Variants in CCDC3 observed in about 807,000 individuals in gnomAD.
CCDC3 encodes the protein coiled-coil domain-containing protein 3.
A neutral mutation model predicts 21.4 loss-of-function variants in CCDC3; 24 were observed. The observed-to-expected ratio is 1.12, with a 90% CI of 0.81 to 1.58. The LOEUF (loss-of-function observed/expected upper bound fraction) is 1.58. CCDC3 is among the 40% of genes most tolerant of loss of function. The probability of loss-of-function intolerance (pLI) is 0.00; values close to 1 mark genes in which losing one functional copy is unlikely to be tolerated. For synonymous variants in CCDC3, 186 were observed against 166.0 expected, an observed-to-expected ratio of 1.12 and a Z score of -0.93; for missense variants, 425 against 360.9, an observed-to-expected ratio of 1.18 and a Z score of -1.44.
At chr10:13,046,354 C>A (rs561577592) in intron 5 of CCDC3, among the ~76,000 whole-genome samples, 1 of 151,008 alleles carries the variant, frequency 6.6e-6, no homozygotes, top group African/African-American at 2.4e-5. Flanking sequence ...TGCAGTGAGC[C>A]GTGATCGCGT....
At chr10:12,964,127 C>G (rs1425192381) in intron 2 of CCDC3, among the ~76,000 whole-genome samples, 2 of 152,076 alleles carry the variant, frequency 1.3e-5, no homozygotes, top group Non-Finnish European at 2.9e-5. Flanking sequence ...GATTCCAACA[C>G]TTTGGGAGGG....
In CCDC3 at chr10:13,001,685, A is replaced by C. The variant is rs1473248574; in HGVS notation, c.-115T>G. On this transcript the variant is annotated 5_prime_UTR_variant, in exon 1 of 3. Coordinates refer to ENST00000378825, the MANE Select transcript of CCDC3 (RefSeq NM_031455.4). ...CGGGCCGCTCCCGGGAGCTGAGCGC[A>C]CCGCTGTCTCCGCCACGGGGCTCGG... The C allele has an allele frequency of 2.9e-6, 2 of 678,380 alleles. No homozygotes were observed. The highest frequency in any genetic ancestry group is 3.7e-6 in the Non-Finnish European group (2 of 540,918). The allele number at this position is 678,380 out of a possible 1,614,324, so 42.0% of individuals were successfully genotyped here.
At chr10:12,899,431 T>C (rs1343479858) in intron 2 of CCDC3, among the ~76,000 whole-genome samples, 1 of 152,210 alleles carries the variant, frequency 6.6e-6, no homozygotes, top group Non-Finnish European at 1.5e-5. Flanking sequence ...TAACTGCATA[T>C]ACCCTTTGAT....
chr10:13,056,315 G>A (rs369177085), intron 4 of CCDC3, among the ~76,000 whole-genome samples: 53 of 152,134 alleles, frequency 3.5e-4, no homozygotes, highest in African/African-American at 1.2e-3. Context: ...TAGAAATGGC[G>A]CACAACCTCT....
chr10:12,947,293 G>A (rs1290790028), intron 2 of CCDC3, among the ~76,000 whole-genome samples: 4 of 152,028 alleles, frequency 2.6e-5, no homozygotes, highest in African/African-American at 4.8e-5. Flanking sequence ...GATTACAGGC[G>A]CCCACCACCA....
Position 13,069,055 on chromosome 10 carries a change from A to T in CCDC3, c.-270+4813T>A, listed in dbSNP as rs542327077. 2.2e-4 allele frequency among the ~76,000 whole-genome samples: 33 copies of T among 152,388 alleles called. No homozygotes were observed. In the East Asian group the frequency reaches 6.0e-3, roughly 28 times the overall value. ...CGGATCACCTGAGGTCGGGAGTTCG[A>T]GACCAGCCTGACCAACATGGAGAAA... On this transcript the variant is annotated intron_variant, in intron 4 of 6. Coordinates refer to the CCDC3 transcript ENST00000378839.
intron 5 of CCDC3, among the ~76,000 whole-genome samples, chr10:13,017,530 A>AAG (rs1564321646): frequency 1.1e-5 from 1 of 95,194 alleles, no homozygotes; most frequent in Admixed American, 1.1e-4. Flanking sequence ...AAAAAAAAAA[A>AAG]AGAAAAGAAA....
chr10:12,920,741 T>C (rs1834438232), intron 2 of CCDC3, among the ~76,000 whole-genome samples: 1 of 152,216 alleles, frequency 6.6e-6, no homozygotes, highest in Admixed American at 6.5e-5. Flanking sequence ...CCATTCTCCC[T>C]GTTTTGTGGA....
At chr10:12,924,747 C>G (rs921277830) in intron 2 of CCDC3, 92 of 152,302 alleles carry the variant, frequency 6.0e-4, no homozygotes, top group African/African-American at 2.0e-3. Context: ...CTTCCAAGAT[C>G]TGACGAGATC....
intron 2 of CCDC3, among the ~76,000 whole-genome samples, chr10:12,995,784 G>C (rs1242672695): frequency 1.3e-5 from 2 of 152,188 alleles, no homozygotes; most frequent in African/African-American, 2.4e-5. Flanking sequence ...AAGGGAAAGG[G>C]AAAAGGAATT....
intron 2 of CCDC3, among the ~76,000 whole-genome samples, chr10:12,934,577 C>G (rs1490168049): frequency 6.6e-6 from 1 of 152,178 alleles, no homozygotes; most frequent in African/African-American, 2.4e-5. Flanking sequence ...GTAAACTCAT[C>G]TATTTTTCCT....
chr10:13,046,947 TAA>T (rs57820167), intron 5 of CCDC3, among the ~76,000 whole-genome samples: 8 of 135,530 alleles, frequency 5.9e-5, no homozygotes, highest in Admixed American at 7.5e-5. Flanking sequence ...ATTCACTTTC[TAA>T]AAAAAAAAAA....
At chr10:13,071,198 A>G (rs530593) in intron 4 of CCDC3, among the ~76,000 whole-genome samples, 109,460 of 152,032 alleles carry the variant, frequency 0.72, 39,637 homozygotes, top group African/African-American at 0.78. Flanking sequence ...CCAGTGATCT[A>G]GGGGTGTCAC....
At chr10:12,972,698 C>T (rs1484292624) in intron 2 of CCDC3, among the ~76,000 whole-genome samples, 1 of 152,008 alleles carries the variant, frequency 6.6e-6, no homozygotes, top group Non-Finnish European at 1.5e-5. Flanking sequence ...GTACCTGTAA[C>T]CCCAGCTACT....
chr10:13,004,223 G>A (rs574081356), upstream of CCDC3, among the ~76,000 whole-genome samples: 1 of 152,192 alleles, frequency 6.6e-6, no homozygotes, highest in African/African-American at 2.4e-5. Flanking sequence ...CTTTAAGATG[G>A]ACTCCATCAT....
chr10:12,930,628 T>C (rs1029196649), intron 2 of CCDC3, among the ~76,000 whole-genome samples: 8 of 152,184 alleles, frequency 5.3e-5, no homozygotes, highest in Admixed American at 5.2e-4. Flanking sequence ...TCTCAACCGG[T>C]GGCAATGTCA....
intron 5 of CCDC3, among the ~76,000 whole-genome samples, chr10:13,042,934 A>G (rs1836481120): frequency 6.8e-6 from 1 of 148,136 alleles, no homozygotes; most frequent in Non-Finnish European, 1.5e-5. Context: ...AAAAGAAAAG[A>G]AAAAGAAAAC....
Position 13,001,513 on chromosome 10 carries a change from G to A in CCDC3, c.58C>T (p.Arg20Cys), listed in dbSNP as rs1214964236. The A allele has an allele frequency of 5.4e-5, 71 of 1,326,028 alleles. No individual in the cohort carries two copies. Among genetic ancestry groups the A allele is most frequent in the Non-Finnish European group, 6.7e-5 (70 of 1,040,678 alleles). 82.1% of individuals were successfully genotyped at this position (1,326,028 alleles called of 1,614,324 possible). ...CACTCGGAGGGCAGCTGGCAGGCGC[G>A]CGCGGGCGCTGGGGGACCCGCCAGG... ...LCLAGPPAPARACQLPSEWRP... is the reference protein window; with the variant it reads ...LCLAGPPAPACACQLPSEWRP... The change falls in exon 1 of 3, where the codon CGC (arginine) becomes TGC (cysteine). Residue 20 changes from arginine (R) to cysteine (C), a missense_variant. Arg to Cys is a radical substitution (Grantham distance 180, BLOSUM62 -3). Coordinates refer to ENST00000378825, the MANE Select transcript of CCDC3 (RefSeq NM_031455.4).
intron 2 of CCDC3, among the ~76,000 whole-genome samples, chr10:12,947,098 G>A (rs1011234065): frequency 6.6e-6 from 1 of 151,400 alleles, no homozygotes; most frequent in Non-Finnish European, 1.5e-5. Context: ...AGTGCCTGAT[G>A]TAGTTTCAAA....
Sources: allele counts gnomAD v4.1 joint callset (sites outside exome capture counted in the v4.1 genomes callset), GRCh38; gene constraint gnomAD v4.1.1; transcripts MANE v1.5; gene names NCBI Gene and HGNC (gene_info 2026-07-23, HGNC 2026-07-21).